The following RUNDC1 variants were observed in gnomAD, a reference collection of about 807,000 sequenced individuals.
RUNDC1 encodes the protein RUN domain-containing protein 1.
RUNDC1 carries 31 observed loss-of-function variants against 49.3 expected under a neutral mutation model. The ratio of observed to expected loss-of-function variants is 0.63; its 90% CI spans 0.47 to 0.85. The LOEUF (loss-of-function observed/expected upper bound fraction) is 0.85. Among genes scored for constraint, RUNDC1 ranks in the 40% least tolerant of loss-of-function variants. RUNDC1 has a pLI of 0.00. For missense variants in RUNDC1, 715 were observed against 806.7 expected (o/e 0.89, Z 1.38); for synonymous variants, 347 against 348.6 (o/e 1.00, Z 0.05).
chr17:42,991,783 A>G lies in RUNDC1; in HGVS notation c.*67A>G. The G allele has an allele frequency of 6.7e-7, 1 of 1,500,724 alleles. No individual in the cohort carries two copies. Among genetic ancestry groups the G allele is most frequent in the East Asian group, 2.3e-5 (1 of 44,122 alleles). The allele number at this position is 1,500,724 out of a possible 1,614,324, so 93.0% of individuals were successfully genotyped here. A position where few individuals can be genotyped will look rare whatever the true frequency, so the allele number is the denominator to read the frequency against. On this transcript the variant is annotated 3_prime_UTR_variant, in exon 5 of 5. Transcript: ENST00000361677. Reference sequence around the variant, plus strand: ...GATAGATGTGCTAGTCTTCTAGCATAGGAGCAAGGAATCAGAGGTGGGGTT... The same window carrying G: ...GATAGATGTGCTAGTCTTCTAGCATGGGAGCAAGGAATCAGAGGTGGGGTT...
rs1567733726 is a variant in RUNDC1, at chr17:42,991,782, T to C, written c.*66T>C. The C allele has an allele frequency of 4.0e-6, 6 of 1,486,840 alleles. No homozygotes were observed. Among genetic ancestry groups the C allele is most frequent in the Non-Finnish European group, 5.4e-6 (6 of 1,104,120 alleles). 92.1% of individuals were successfully genotyped at this position (1,486,840 alleles called of 1,614,324 possible). On this transcript the variant is annotated 3_prime_UTR_variant, in exon 5 of 5. Coordinates refer to ENST00000361677, the MANE Select transcript of RUNDC1 (RefSeq NM_173079.5). Reference sequence around the variant, plus strand: ...GGATAGATGTGCTAGTCTTCTAGCATAGGAGCAAGGAATCAGAGGTGGGGT... The same window carrying C: ...GGATAGATGTGCTAGTCTTCTAGCACAGGAGCAAGGAATCAGAGGTGGGGT...
chr17:42,991,753 G>T lies in RUNDC1; in HGVS notation c.*37G>T. ...TAACCCCAGACAAGCTCCTTGTTCA[G>T]TAGGGATAGATGTGCTAGTCTTCTA... On this transcript the variant is annotated 3_prime_UTR_variant, in exon 5 of 5. Coordinates refer to ENST00000361677, the MANE Select transcript of RUNDC1 (RefSeq NM_173079.5). 1.3e-6 allele frequency: 2 copies of T among 1,577,152 alleles called. No homozygotes were observed. Among genetic ancestry groups the T allele is most frequent in the Non-Finnish European group, 8.6e-7 (1 of 1,163,030 alleles).
chr17:42,991,162 C>T lies in RUNDC1; in HGVS notation c.1288C>T (p.Leu430=). The stretch of plus-strand genomic sequence containing the variant: ...GCTGACTATGGCTGTGCGGAAGGAG[C>T]TAACGGTGGCTGTGAGGGACCTGCT... ...DELTMAVRKE[L]TVAVRDLLAH... The change falls in exon 5 of 5, where the codon CTA becomes TTA. Residue 430 remains leucine (L), a synonymous_variant. Transcript: ENST00000361677. 6.2e-7 allele frequency: 1 copy of T among 1,614,222 alleles called. No homozygotes were observed. Among genetic ancestry groups the T allele is most frequent in the Non-Finnish European group, 8.5e-7 (1 of 1,180,028 alleles).
At chr17:42,985,629 C>G (rs1188345948) in intron 1 of RUNDC1, 11 of 267,164 alleles carry the variant, frequency 4.1e-5, no homozygotes, top group Non-Finnish European at 4.1e-5. Context: ...CATTTCTTCT[C>G]TCTCATTACT....
At chr17:42,983,975 T>C (rs1331403778) in intron 1 of RUNDC1, among the ~76,000 whole-genome samples, 1 of 151,284 alleles carries the variant, frequency 6.6e-6, no homozygotes, top group Non-Finnish European at 1.5e-5. Context: ...TGAGCCACCG[T>C]GCCCGGCCCT....
Position 42,991,530 on chromosome 17 carries a change from G to A in RUNDC1, c.1656G>A (p.Val552=). 3.1e-6 allele frequency: 5 copies of A among 1,614,126 alleles called. No individual in the cohort carries two copies. The highest frequency in any genetic ancestry group is 2.2e-5 in the East Asian group (1 of 44,882). Residue 552 remains valine, a synonymous_variant, in exon 5 of 5, where the codon GTG becomes GTA. Coordinates refer to ENST00000361677, the MANE Select transcript of RUNDC1 (RefSeq NM_173079.5). Reference sequence around the variant, plus strand: ...TGGCACTGAATGAGCAGCGTCTGGTGTCCTGGGTGAACCTCATCTGCAAGT... The same window carrying A: ...TGGCACTGAATGAGCAGCGTCTGGTATCCTGGGTGAACCTCATCTGCAAGT... ...VCMALNEQRL[V]SWVNLICKSG... is the part of the protein sequence containing the mutation.
At chr17:42,982,507 G>A (rs751323438) in intron 1 of RUNDC1, among the ~76,000 whole-genome samples, 1 of 152,144 alleles carries the variant, frequency 6.6e-6, no homozygotes, top group African/African-American at 2.4e-5. Context: ...TTAAGGGCTA[G>A]AAAGGGGTGG....
rs1029785204 is a variant in RUNDC1 at position 42,983,979 on chromosome 17, C to T, written c.498+2905C>T. 2.7e-5 allele frequency among the ~76,000 whole-genome samples: 4 copies of T among 150,340 alleles called. No homozygotes were observed. In the South Asian group the frequency reaches 6.3e-4, roughly 24 times the overall value. On this transcript the variant is annotated intron_variant, in intron 1 of 4. Coordinates refer to ENST00000361677, the MANE Select transcript of RUNDC1 (RefSeq NM_173079.5). ...GATTATAGGTGTGAGCCACCGTGCC[C>T]GGCCCTAAATTTTTATTTTCCACTC...
Position 42,993,799 on chromosome 17 carries a change from T to C in RUNDC1, c.*2083T>C, listed in dbSNP as rs1214356735. 1 of 152,180 alleles carries C rather than the reference T, an allele frequency of 6.6e-6. No individual in the cohort carries two copies. Among genetic ancestry groups the C allele is most frequent in the Admixed American group, 6.6e-5 (1 of 15,262 alleles). The allele number at this position is 152,180 out of a possible 1,614,324, so 9.4% of individuals were successfully genotyped here. On this transcript the variant is annotated 3_prime_UTR_variant, in exon 5 of 5. Transcript: ENST00000361677. ...AAGTCCCCTTGGCATGACCATCTCC[T>C]CCTGCCCACGCCTGTAGTCCCTCCC...
chr17:42,982,902 G>A (rs934758988), intron 1 of RUNDC1, among the ~76,000 whole-genome samples: 15 of 151,242 alleles, frequency 9.9e-5, no homozygotes, highest in African/African-American at 3.2e-4. Flanking sequence ...CAGGAGAATC[G>A]CTTGAACCTG....
intron 1 of RUNDC1, 151 bp downstream of exon 1, chr17:42,981,225 G>A (rs550285): frequency 0.99 from 1,023,411 of 1,038,830 alleles, 505,626 homozygotes; most frequent in East Asian, 1. Flanking sequence ...TGGAGTGCGG[G>A]GCCGGCTGAA....
chr17:42,984,163 G>T (rs1420034982), intron 1 of RUNDC1, among the ~76,000 whole-genome samples: 2 of 151,354 alleles, frequency 1.3e-5, no homozygotes, highest in Admixed American at 1.3e-4. Context: ...TTCTGTAGAG[G>T]TGGGGCTCTC....
At chr17:42,987,439 C>T (rs1252576326) in intron 2 of RUNDC1, 25 bp downstream of exon 2, 1 of 1,610,872 alleles carries the variant, frequency 6.2e-7, no homozygotes, top group Admixed American at 1.7e-5. Flanking sequence ...GAGGAACCTC[C>T]ACCACTGCCC....
intron 2 of RUNDC1, 108 bp from the exon 3 acceptor site, chr17:42,989,233 G>C (rs2050206664): frequency 1.3e-6 from 1 of 762,074 alleles, no homozygotes; most frequent in Non-Finnish European, 2.2e-6. Context: ...AAATTTAGAG[G>C]TCTGTTTTTT....
rs201473419 is a variant in RUNDC1, at chr17:42,987,460, T to G, written c.657+46T>G. On this transcript the variant is annotated intron_variant, in intron 2 of 4. Coordinates refer to ENST00000361677, the MANE Select transcript of RUNDC1 (RefSeq NM_173079.5). The stretch of plus-strand genomic sequence containing the variant: ...CCTCCACCACTGCCCGAGGTTAACT[T>G]GTCCCTTCCAGCATTCACAGGGCAT... The G allele has an allele frequency of 5.7e-6, 9 of 1,591,848 alleles. No individual in the cohort carries two copies. The East Asian group carries it at 2.0e-4, about 36-fold the overall frequency.
chr17:42,981,944 C>T (rs902485590), intron 1 of RUNDC1: 1 of 150,672 alleles, frequency 6.6e-6, no homozygotes, highest in Non-Finnish European at 1.5e-5. Flanking sequence ...TCTGGAAGTG[C>T]ACAAAGTGCT....
chr17:42,982,461 C>G (rs755619870), intron 1 of RUNDC1, among the ~76,000 whole-genome samples: 2 of 152,270 alleles, frequency 1.3e-5, no homozygotes, highest in Middle Eastern at 3.4e-3. Context: ...ACCTGCAACT[C>G]CTTACACAAG....
rs2050249320 is a variant in RUNDC1, at chr17:42,991,921, A to C, written c.*205A>C. ...GTGCTGGAGGGACCCTCTTGTTAAG[A>C]AGGTTCTGCCAGGCCGGGCGCGGTG... On this transcript the variant is annotated 3_prime_UTR_variant, in exon 5 of 5. Transcript: ENST00000361677. The C allele has an allele frequency of 6.6e-6, 4 of 603,052 alleles. No individual in the cohort carries two copies. The highest frequency in any genetic ancestry group is 1.1e-5 in the Non-Finnish European group (4 of 349,806). The allele number at this position is 603,052 out of a possible 1,614,324, so 37.4% of individuals were successfully genotyped here. A position where few individuals can be genotyped will look rare whatever the true frequency, so the allele number is the denominator to read the frequency against.
intron 1 of RUNDC1, among the ~76,000 whole-genome samples, chr17:42,984,138 TA>T (rs749100036): frequency 6.6e-6 from 1 of 151,902 alleles, no homozygotes; most frequent in South Asian, 2.1e-4. Context: ...ACTAGCTAAT[TA>T]AAAAATATAT....
Sources: allele counts gnomAD v4.1 joint callset (sites outside exome capture counted in the v4.1 genomes callset), GRCh38; gene constraint gnomAD v4.1.1; transcripts MANE v1.5; gene names NCBI Gene and HGNC (gene_info 2026-07-23, HGNC 2026-07-21).